Variants in FAM118B observed in about 807,000 individuals in gnomAD.
The protein encoded by FAM118B is SIR2 antiphage like 1, also known as protein FAM118B.
In FAM118B, 24 loss-of-function variants were observed where a neutral mutation model predicts 38.5. The observed-to-expected ratio is 0.62, with a 90% CI of 0.45 to 0.88. The LOEUF is 0.88. Ranked by LOEUF, FAM118B falls within the 40% of genes least tolerant of loss-of-function variation. The probability of loss-of-function intolerance (pLI) is 0.00; values close to 1 mark genes in which losing one functional copy is unlikely to be tolerated. For missense variants in FAM118B, 334 were observed against 420.0 expected, an observed-to-expected ratio of 0.80 and a Z score of 1.79; for synonymous variants, 138 against 156.3, an observed-to-expected ratio of 0.88 and a Z score of 0.87.
chr11:126,237,434 C>T (rs577997183), intron 3 of FAM118B, among the ~76,000 whole-genome samples: 5 of 146,032 alleles, frequency 3.4e-5, no homozygotes, highest in African/African-American at 7.4e-5. Context: ...GACAGGTTTT[C>T]ACCATGTTGA....
chr11:126,261,723 TCAGGCCTGTAATCC>T (rs1383128044), intron 8 of FAM118B, among the ~76,000 whole-genome samples: 3 of 152,180 alleles, frequency 2.0e-5, no homozygotes, highest in Non-Finnish European at 4.4e-5. Context: ...GTGTGGTGGC[TCAGGCCTGTAATCC>T]CAGCACTTTG....
chr11:126,212,041 A>G (rs1949887250), intron 1 of FAM118B, among the ~76,000 whole-genome samples: 1 of 152,006 alleles, frequency 6.6e-6, no homozygotes, highest in Non-Finnish European at 1.5e-5. Context: ...GAGCCCTCCT[A>G]GGCACCGACG....
chr11:126,261,185 TGTC>T (rs1239243865), intron 7 of FAM118B: 2 of 352,854 alleles, frequency 5.7e-6, no homozygotes, highest in Non-Finnish European at 9.8e-6. Flanking sequence ...TAAAATGTTT[TGTC>T]TACAAGCAAT....
intron 1 of FAM118B, among the ~76,000 whole-genome samples, chr11:126,217,861 T>G (rs572949470): frequency 1.3e-5 from 2 of 152,372 alleles, no homozygotes; most frequent in East Asian, 3.9e-4. Context: ...TCTCTCAGAA[T>G]GTTGAAGGCA....
intron 4 of FAM118B, among the ~76,000 whole-genome samples, chr11:126,243,933 T>C (rs1415925931): frequency 1.3e-5 from 2 of 148,916 alleles, no homozygotes; most frequent in African/African-American, 4.9e-5. Context: ...TGCATATCAA[T>C]ATAATGCATC....
At chr11:126,257,207 T>G (rs1404916459) in intron 7 of FAM118B, among the ~76,000 whole-genome samples, 1 of 152,200 alleles carries the variant, frequency 6.6e-6, no homozygotes, top group African/African-American at 2.4e-5. Context: ...CATGGAGTAT[T>G]TGTGGAAAGG....
chr11:126,215,919 G>T (rs754923913), intron 1 of FAM118B, among the ~76,000 whole-genome samples: 1 of 151,594 alleles, frequency 6.6e-6, no homozygotes, highest in Non-Finnish European at 1.5e-5. Flanking sequence ...GAGGTGGGAG[G>T]ATCATTTGAG....
chr11:126,234,979 G>A lies in FAM118B; in HGVS notation c.-7-16G>A. On this transcript the variant is annotated splice_polypyrimidine_tract_variant and intron_variant, in intron 2 of 8. Transcript: ENST00000533050. The stretch of plus-strand genomic sequence containing the variant: ...TACAGATCTAATTGTGGTTCATGGT[G>A]TTTAATCTATTTTAGAAACTGGATG... The A allele has an allele frequency of 1.9e-6, 3 of 1,588,180 alleles. No homozygotes were observed. The highest frequency in any genetic ancestry group is 2.6e-6 in the Non-Finnish European group (3 of 1,157,038).
rs937065000 is a variant in FAM118B at position 126,255,572 on chromosome 11, T to C, written c.697-995T>C. Among the ~76,000 whole-genome samples, 5 of 152,174 alleles carry C rather than the reference T, an allele frequency of 3.3e-5. No homozygotes were observed. Among genetic ancestry groups the C allele is most frequent in the African/African-American group, 1.2e-4 (5 of 41,442 alleles). On this transcript the variant is annotated intron_variant, in intron 6 of 8. Transcript: ENST00000533050. This position sits in a 1 kb window ranked among gnomAD's most constrained non-coding sequence, Gnocchi z 4.6. ...CCGATGATGGAATTATCTTCTCTGG[T>C]GATTCACAGTTCAGTTTGTGAGACA...
chr11:126,239,794 G>A (rs1023479461), intron 3 of FAM118B, among the ~76,000 whole-genome samples: 4 of 152,168 alleles, frequency 2.6e-5, no homozygotes, highest in Non-Finnish European at 2.9e-5. Context: ...GATTACAGGC[G>A]TGAGCCACTG....
At chr11:126,222,919 A>G (rs927259079) in intron 1 of FAM118B, among the ~76,000 whole-genome samples, 1 of 152,214 alleles carries the variant, frequency 6.6e-6, no homozygotes, top group African/African-American at 2.4e-5. Context: ...AATAATTGCA[A>G]GTACTGTGAG....
chr11:126,233,086 C>G (rs1231785364), intron 2 of FAM118B, among the ~76,000 whole-genome samples: 1 of 152,166 alleles, frequency 6.6e-6, no homozygotes, highest in African/African-American at 2.4e-5. Flanking sequence ...AAGGAAGATT[C>G]TGGAGAATCT....
chr11:126,214,488 C>CTTTT (rs1565322268), intron 1 of FAM118B: 4 of 34,854 alleles, frequency 1.1e-4, no homozygotes, highest in Non-Finnish European at 2.4e-4. Flanking sequence ...TCTTTTGTTT[C>CTTTT]TGTTTTTTTT....
intron 7 of FAM118B, 143 bp from the exon 8 acceptor site, chr11:126,261,282 T>A (rs1036905021): frequency 3.1e-6 from 2 of 653,464 alleles, no homozygotes; most frequent in Non-Finnish European, 5.3e-6. Flanking sequence ...TCTGCCTCCT[T>A]ATCTTCTCAA....
intron 3 of FAM118B, 83 bp downstream of exon 3, chr11:126,235,170 A>C (rs1312527971): frequency 8.9e-7 from 1 of 1,127,434 alleles, no homozygotes; most frequent in Non-Finnish European, 1.3e-6. Context: ...CTTCTATATC[A>C]GTTGTTTTCA....
intron 1 of FAM118B, among the ~76,000 whole-genome samples, chr11:126,218,927 C>T (rs1298924512): frequency 1.3e-5 from 2 of 152,174 alleles, no homozygotes; most frequent in Admixed American, 1.3e-4. Flanking sequence ...ACTCCAGACC[C>T]ATTTCAGATT....
rs149892256 is a variant in FAM118B, at chr11:126,256,214, C to T, written c.697-353C>T. Among the ~76,000 whole-genome samples, 22 of 152,252 alleles carry T rather than the reference C, an allele frequency of 1.4e-4. 1 individual carries two copies. The East Asian group carries it at 3.9e-3, about 27-fold the overall frequency. ...CAGGGTGGTGGAGGTTGCAGTAAGC[C>T]GAGGTCACACCACTACACTCTAGCC... On this transcript the variant is annotated intron_variant, in intron 6 of 8. Transcript: ENST00000533050. This position sits in a 1 kb window ranked among gnomAD's most constrained non-coding sequence, Gnocchi z 6.6.
At chr11:126,248,804 G>A (rs376805703) in intron 4 of FAM118B, among the ~76,000 whole-genome samples, 3 of 152,288 alleles carry the variant, frequency 2.0e-5, no homozygotes, top group South Asian at 2.1e-4. Flanking sequence ...ACACAGTTCC[G>A]TTGGGGTTAA....
At chr11:126,213,274 G>A (rs1036084921) in intron 1 of FAM118B, among the ~76,000 whole-genome samples, 3 of 152,200 alleles carry the variant, frequency 2.0e-5, no homozygotes, top group Non-Finnish European at 4.4e-5. Flanking sequence ...AAGAATGAAG[G>A]TAGAGGAAGA....
Sources: allele counts gnomAD v4.1 joint callset (sites outside exome capture counted in the v4.1 genomes callset), GRCh38; gene constraint gnomAD v4.1.1; non-coding constraint Gnocchi (gnomAD v3.1); transcripts MANE v1.5; gene names NCBI Gene and HGNC (gene_info 2026-07-23, HGNC 2026-07-21).